CDKAL1: variants seen among roughly 807,000 people sequenced by gnomAD.
CDKAL1 encodes threonylcarbamoyladenosine tRNA methylthiotransferase.
CDKAL1 carries 32 observed loss-of-function variants against 68.2 expected under a neutral mutation model. That is an observed-to-expected ratio of 0.47 (90% CI 0.35 to 0.63). The LOEUF is 0.63. Ranked by LOEUF, CDKAL1 falls within the 30% of genes least tolerant of loss-of-function variation. CDKAL1 has a pLI of 0.00. For synonymous variants in CDKAL1, 234 were observed against 244.3 expected, an observed-to-expected ratio of 0.96 and a Z score of 0.39; for missense variants, 606 against 696.7, an observed-to-expected ratio of 0.87 and a Z score of 1.47.
In CDKAL1 at chr6:20,640,171, G is replaced by C. The variant is rs531048262; in HGVS notation, c.287-9122G>C. Among the ~76,000 whole-genome samples, 4 of 109,190 alleles carry C rather than the reference G, an allele frequency of 3.7e-5. No individual in the cohort carries two copies. The South Asian group carries it at 1.2e-3, about 33-fold the overall frequency. 71.6% of individuals were successfully genotyped at this position (109,190 alleles called of 152,430 possible). The stretch of plus-strand genomic sequence containing the variant: ...TTGTCTTCCAGAGTTCTGTGGTAAA[G>C]AAACTCTCAAAACATGCTTTTTGGG... On this transcript the variant is annotated intron_variant, in intron 4 of 15. Coordinates refer to ENST00000274695, the MANE Select transcript of CDKAL1 (RefSeq NM_017774.3).
intron 7 of CDKAL1, 97 bp from the exon 8 acceptor site, chr6:20,781,048 C>T (rs896356204): frequency 5.0e-6 from 6 of 1,209,372 alleles, no homozygotes; most frequent in African/African-American, 3.0e-5. Context: ...TTCCCCTGCT[C>T]CCGAAAAGAA....
intron 11 of CDKAL1, among the ~76,000 whole-genome samples, chr6:21,001,343 A>G (rs6940871): frequency 0.013 from 1,951 of 152,202 alleles, 50 homozygotes; most frequent in African/African-American, 0.043. Flanking sequence ...TCCACCTTTA[A>G]TTAGTCATTT....
intron 8 of CDKAL1, among the ~76,000 whole-genome samples, chr6:20,797,614 T>C (rs1776160754): frequency 6.6e-6 from 1 of 151,958 alleles, no homozygotes; most frequent in African/African-American, 2.4e-5. Flanking sequence ...AATGGAAAAA[T>C]CATCTGTGTT....
chr6:20,558,153 A>G (rs560523969), intron 4 of CDKAL1, among the ~76,000 whole-genome samples: 3 of 152,220 alleles, frequency 2.0e-5, no homozygotes, highest in African/African-American at 4.8e-5. Flanking sequence ...ATCTGATAGC[A>G]TAGAGGTAGT....
At chr6:20,961,005 G>A (rs1238049085) in intron 10 of CDKAL1, among the ~76,000 whole-genome samples, 1 of 152,200 alleles carries the variant, frequency 6.6e-6, no homozygotes, top group East Asian at 1.9e-4. Flanking sequence ...CCACTAGAGA[G>A]GATACATTAA....
chr6:21,172,908 G>A (rs2061441), intron 13 of CDKAL1, among the ~76,000 whole-genome samples: 20,903 of 151,734 alleles, frequency 0.14, 1,720 homozygotes, highest in Non-Finnish European at 0.18. Context: ...CAATGACTAC[G>A]CATTTCATTA....
chr6:20,594,416 T>C (rs545263779), intron 4 of CDKAL1, among the ~76,000 whole-genome samples: 59 of 152,368 alleles, frequency 3.9e-4, no homozygotes, highest in Non-Finnish European at 6.5e-4. Context: ...CGTTGATCCC[T>C]TTACCATTAT....
intron 11 of CDKAL1, among the ~76,000 whole-genome samples, chr6:21,039,187 C>T (rs537160694): frequency 7.2e-5 from 11 of 152,222 alleles, no homozygotes; most frequent in Admixed American, 2.6e-4. Context: ...TACAGGAGCA[C>T]GAACCCTATT....
In CDKAL1 at chr6:20,746,320, T is replaced by C. The variant is rs78667811; in HGVS notation, c.468+6705T>C. 1.2e-4 allele frequency among the ~76,000 whole-genome samples: 19 copies of C among 152,322 alleles called. No individual in the cohort carries two copies. The East Asian group carries it at 3.7e-3, about 29-fold the overall frequency. On this transcript the variant is annotated intron_variant, in intron 6 of 15. Coordinates refer to ENST00000274695, the MANE Select transcript of CDKAL1 (RefSeq NM_017774.3). Reference sequence around the variant, plus strand: ...TTCTGTTGAAAGGGCTATTTCTACCTTTGGGGAAGAATCTTTTTGAATGAA... The same window carrying C: ...TTCTGTTGAAAGGGCTATTTCTACCCTTGGGGAAGAATCTTTTTGAATGAA...
intron 6 of CDKAL1, chr6:20,756,652 C>T (rs929484437): frequency 1.3e-5 from 2 of 152,176 alleles, no homozygotes; most frequent in Non-Finnish European, 2.9e-5. Flanking sequence ...ATTTACTTAC[C>T]TTTGGCAGTT....
At chr6:20,669,958 T>C (rs568105278) in intron 5 of CDKAL1, among the ~76,000 whole-genome samples, 7 of 149,588 alleles carry the variant, frequency 4.7e-5, no homozygotes, top group Non-Finnish European at 2.9e-5. Context: ...TTTCTACTTA[T>C]CTGTATATGT....
chr6:20,570,355 G>A (rs575830190), intron 4 of CDKAL1, among the ~76,000 whole-genome samples: 65 of 151,674 alleles, frequency 4.3e-4, no homozygotes, highest in African/African-American at 1.5e-3. Context: ...ATCCACCTCG[G>A]CCTCCCAAAG....
At chr6:20,972,432 A>T (rs998859980) in intron 10 of CDKAL1, among the ~76,000 whole-genome samples, 1 of 152,070 alleles carries the variant, frequency 6.6e-6, no homozygotes, top group Non-Finnish European at 1.5e-5. Context: ...TCTTTTAGAC[A>T]CTCAGTTTTA....
At chr6:20,945,043 A>G (rs1464224889) in intron 9 of CDKAL1, among the ~76,000 whole-genome samples, 2 of 145,852 alleles carry the variant, frequency 1.4e-5, no homozygotes, top group Non-Finnish European at 3.0e-5. Flanking sequence ...TTCATTATCT[A>G]GAAACAGTGC....
In CDKAL1 at chr6:21,106,736, T is replaced by G. The variant is rs750361331; in HGVS notation, c.1237-1665T>G. Among the ~76,000 whole-genome samples, 62 of 152,244 alleles carry G rather than the reference T, an allele frequency of 4.1e-4. 1 individual carries two copies. Among genetic ancestry groups the G allele is most frequent in the African/African-American group, 1.1e-3 (45 of 41,464 alleles). On this transcript the variant is annotated intron_variant, in intron 12 of 15. Transcript: ENST00000274695. ...TATAGGTTATATGCGAATTCTGCAC[T>G]ATTTGACATAAGGAACTTGAGCATC...
chr6:21,121,696 A>C (rs1774724050), intron 13 of CDKAL1, among the ~76,000 whole-genome samples: 1 of 152,228 alleles, frequency 6.6e-6, no homozygotes, highest in Non-Finnish European at 1.5e-5. Context: ...GTATATGTTC[A>C]ATAAATATCT....
chr6:20,628,310 G>A (rs1364325736), intron 4 of CDKAL1, among the ~76,000 whole-genome samples: 2 of 152,064 alleles, frequency 1.3e-5, no homozygotes, highest in African/African-American at 2.4e-5. Context: ...CCTTGAATAG[G>A]TGTTGGATAC....
intron 5 of CDKAL1, among the ~76,000 whole-genome samples, chr6:20,732,189 G>T (rs1298755099): frequency 6.6e-6 from 1 of 151,186 alleles, no homozygotes. Context: ...GGGACTACAG[G>T]TGTGTACCAT....
intron 11 of CDKAL1, among the ~76,000 whole-genome samples, chr6:21,058,289 T>A (rs543698298): frequency 6.6e-6 from 1 of 152,234 alleles, no homozygotes; most frequent in African/African-American, 2.4e-5. Context: ...TCTTTTTTTA[T>A]CTTTGTTGGT....
Sources: gnomAD v4.1 joint callset for allele counts (sites outside exome capture counted in the v4.1 genomes callset) on GRCh38, gnomAD v4.1.1 for gene constraint, MANE v1.5 for transcripts, NCBI Gene and HGNC (gene_info 2026-07-23, HGNC 2026-07-21) for gene names.